Variants in TBC1D5 observed in about 807,000 individuals in gnomAD.
TBC1D5 encodes the protein TBC1 domain family, member 5.
In TBC1D5, 75 loss-of-function variants were observed where a neutral mutation model predicts 100.3. The ratio of observed to expected loss-of-function variants is 0.75; its 90% confidence interval spans 0.62 to 0.91. TBC1D5 has a LOEUF of 0.91. Among genes scored for constraint, TBC1D5 ranks in the 40% least tolerant of loss-of-function variants. The pLI is 0.00. For synonymous variants in TBC1D5, 323 were observed against 325.6 expected (o/e 0.99, Z 0.09); for missense variants, 910 against 942.4 (o/e 0.97, Z 0.45).
intron 8 of TBC1D5, among the ~76,000 whole-genome samples, chr3:17,389,880 T>C (rs2093298316): frequency 1.3e-5 from 2 of 152,156 alleles, no homozygotes; most frequent in Admixed American, 1.3e-4. Flanking sequence ...TATTAACTCA[T>C]TAGAAGTCAT....
intron 2 of TBC1D5, among the ~76,000 whole-genome samples, chr3:17,595,684 A>G (rs2060515358): frequency 9.4e-5 from 1 of 10,646 alleles, no homozygotes; most frequent in Non-Finnish European, 1.6e-4. Context: ...GTGTAAAGTC[A>G]TTAGAAAAGC....
chr3:17,471,840 G>A (rs918598146), intron 3 of TBC1D5, among the ~76,000 whole-genome samples: 2 of 152,116 alleles, frequency 1.3e-5, no homozygotes, highest in South Asian at 2.1e-4. Context: ...GAAACTACAC[G>A]TATTAATAGA....
intron 1 of TBC1D5, among the ~76,000 whole-genome samples, chr3:17,701,526 TAC>T (rs2073202064): frequency 6.6e-6 from 1 of 152,082 alleles, no homozygotes; most frequent in Non-Finnish European, 1.5e-5. Flanking sequence ...TTCCAGCTAC[TAC>T]AGAGGCGGAG....
chr3:17,631,903 T>C (rs2063534204), intron 1 of TBC1D5, among the ~76,000 whole-genome samples: 1 of 152,246 alleles, frequency 6.6e-6, no homozygotes, highest in Non-Finnish European at 1.5e-5. Context: ...GAGATTAACG[T>C]TGTTTTCATG....
At chr3:17,537,246 A>T (rs755467749) in intron 2 of TBC1D5, among the ~76,000 whole-genome samples, 8 of 152,188 alleles carry the variant, frequency 5.3e-5, no homozygotes, top group Non-Finnish European at 8.8e-5. Context: ...GTTAATAAAA[A>T]CCTAATGAGA....
intron 1 of TBC1D5, among the ~76,000 whole-genome samples, chr3:17,713,244 CTTTT>C (rs770932378): frequency 7.2e-6 from 1 of 139,844 alleles, no homozygotes; most frequent in Non-Finnish European, 1.6e-5. Context: ...CTTTTCTTTT[CTTTT>C]TTTTTTTTTT....
intron 3 of TBC1D5, among the ~76,000 whole-genome samples, chr3:17,434,825 CCTA>C (rs1418696026): frequency 6.6e-6 from 1 of 152,092 alleles, no homozygotes; most frequent in Non-Finnish European, 1.5e-5. Flanking sequence ...TTTTTTTCCC[CCTA>C]CTACATTGTC....
At chr3:17,399,189 C>T (rs2093585645) in intron 8 of TBC1D5, among the ~76,000 whole-genome samples, 1 of 152,040 alleles carries the variant, frequency 6.6e-6, no homozygotes. Flanking sequence ...TGAGTAAGTC[C>T]ATTCTTCTTC....
At chr3:17,496,523 G>T (rs2095709697) in intron 3 of TBC1D5, among the ~76,000 whole-genome samples, 1 of 151,890 alleles carries the variant, frequency 6.6e-6, no homozygotes, top group African/African-American at 2.4e-5. Context: ...TAAACTATTA[G>T]TATATACTGG....
At chr3:17,220,526 T>C (rs2074157101) in intron 17 of TBC1D5, among the ~76,000 whole-genome samples, 1 of 152,178 alleles carries the variant, frequency 6.6e-6, no homozygotes. Context: ...AATTAATCCT[T>C]TCTGTGTATG....
rs577213555 is a variant in TBC1D5 at position 17,500,716 on chromosome 3, T to C, written c.97+7758A>G. Among the ~76,000 whole-genome samples, 43 of 149,740 alleles carry C rather than the reference T, an allele frequency of 2.9e-4. 1 individual carries two copies. Among genetic ancestry groups the C allele is most frequent in the Admixed American group, 5.3e-4 (8 of 15,172 alleles). On this transcript the variant is annotated intron_variant, in intron 3 of 21. Transcript: ENST00000253692. ...CTGTGACTTTCCCCTACTTTGATTA[T>C]TCCTCCAGTAAGTACTATTAAAATA...
intron 15 of TBC1D5, among the ~76,000 whole-genome samples, chr3:17,288,547 C>T (rs923170409): frequency 1.3e-5 from 2 of 152,112 alleles, no homozygotes; most frequent in Admixed American, 6.5e-5. Context: ...ACTGTTGTGC[C>T]CACCTCTAAG....
intron 4 of TBC1D5, among the ~76,000 whole-genome samples, chr3:17,411,917 G>A (rs1208818709): frequency 6.6e-6 from 1 of 152,076 alleles, no homozygotes; most frequent in East Asian, 1.9e-4. Context: ...CTGATGAACG[G>A]CTCTAACAAC....
chr3:17,578,372 T>C (rs1230632434), intron 2 of TBC1D5, among the ~76,000 whole-genome samples: 4 of 151,994 alleles, frequency 2.6e-5, no homozygotes, highest in Non-Finnish European at 5.9e-5. Flanking sequence ...GCAGGACTTA[T>C]CCTCATAAAT....
chr3:17,481,532 G>A (rs1413632819), intron 3 of TBC1D5, among the ~76,000 whole-genome samples: 3 of 152,212 alleles, frequency 2.0e-5, no homozygotes, highest in Admixed American at 2.0e-4. Context: ...TCCAGCCTGG[G>A]CCACAGAGCG....
intron 2 of TBC1D5, among the ~76,000 whole-genome samples, chr3:17,530,794 T>C (rs1219015780): frequency 6.6e-6 from 1 of 152,148 alleles, no homozygotes; most frequent in Non-Finnish European, 1.5e-5. Flanking sequence ...CCCTTCATGC[T>C]AAAAACTCCC....
intron 2 of TBC1D5, among the ~76,000 whole-genome samples, chr3:17,604,608 A>T (rs2061215281): frequency 6.6e-6 from 1 of 152,154 alleles, no homozygotes; most frequent in Non-Finnish European, 1.5e-5. Context: ...AGCTGTACGT[A>T]ATTAAGATTT....
chr3:17,652,858 A>C (rs147431652), intron 1 of TBC1D5, among the ~76,000 whole-genome samples: 9 of 152,326 alleles, frequency 5.9e-5, no homozygotes, highest in Non-Finnish European at 1.2e-4. Context: ...AAATGTGCAT[A>C]CATGTTCACT....
At chr3:17,431,851 T>C (rs1297223128) in intron 3 of TBC1D5, among the ~76,000 whole-genome samples, 1 of 152,106 alleles carries the variant, frequency 6.6e-6, no homozygotes, top group Non-Finnish European at 1.5e-5. Context: ...TAGCTTTAAC[T>C]GAAGTCATGT....
Sources: allele counts gnomAD v4.1 joint callset (sites outside exome capture counted in the v4.1 genomes callset), GRCh38; gene constraint gnomAD v4.1.1; transcripts MANE v1.5; gene names NCBI Gene and HGNC (gene_info 2026-07-23, HGNC 2026-07-21).